The following ARB2A variants were observed in gnomAD, a reference collection of about 807,000 sequenced individuals.
ARB2A encodes the protein ARB2 cotranscriptional regulator A.
chr5:93,756,325 G>C, the ARB2A span, among the ~76,000 whole-genome samples: 214 of 152,276 alleles, frequency 1.4e-3, 1 homozygote, highest in African/African-American at 5.0e-3. Context: ...ATATAATCTT[G>C]GGCGTTCTAG....
chr5:94,095,154 A>G, the ARB2A span, among the ~76,000 whole-genome samples: 5 of 152,154 alleles, frequency 3.3e-5, no homozygotes, highest in Non-Finnish European at 7.4e-5. Context: ...AGGTTAACTG[A>G]TATCACTTGA....
the ARB2A span, among the ~76,000 whole-genome samples, chr5:93,667,305 A>C: frequency 1.4e-4 from 22 of 152,218 alleles, no homozygotes; most frequent in Admixed American, 1.1e-3. Flanking sequence ...TAGTTGTAGA[A>C]GTCAAAATTT....
At chr5:93,818,711 A>C in the ARB2A span, among the ~76,000 whole-genome samples, 2 of 152,184 alleles carry the variant, frequency 1.3e-5, no homozygotes, top group Middle Eastern at 3.2e-3. Context: ...ATACAGAAGC[A>C]ATCTTTTCAG....
At chr5:94,063,870 C>A in the ARB2A span, among the ~76,000 whole-genome samples, 1 of 151,920 alleles carries the variant, frequency 6.6e-6, no homozygotes. Context: ...ATTATGATAG[C>A]AAATTCAAAA....
At chr5:93,814,741 T>A in the ARB2A span, among the ~76,000 whole-genome samples, 15 of 152,378 alleles carry the variant, frequency 9.8e-5, no homozygotes, top group East Asian at 2.9e-3. Flanking sequence ...GGAGTGGGTA[T>A]GTTCAACTGA....
chr5:94,097,676 T>C, the ARB2A span, among the ~76,000 whole-genome samples: 3 of 152,102 alleles, frequency 2.0e-5, no homozygotes, highest in African/African-American at 7.2e-5. Context: ...ATTAAACCTC[T>C]TTCTTTAGTA....
At chr5:93,871,940 G>T in the ARB2A span, among the ~76,000 whole-genome samples, 9 of 149,994 alleles carry the variant, frequency 6.0e-5, no homozygotes, top group South Asian at 1.9e-3. Context: ...GATGAGAAAG[G>T]AATTTTTTCT....
chr5:93,622,725 T>G, the ARB2A span, among the ~76,000 whole-genome samples: 3 of 152,202 alleles, frequency 2.0e-5, no homozygotes, highest in Admixed American at 6.5e-5. Context: ...GAGGTCATTT[T>G]ATTTGCTTAC....
At chr5:93,748,559 T>G in the ARB2A span, among the ~76,000 whole-genome samples, 124 of 152,196 alleles carry the variant, frequency 8.1e-4, no homozygotes, top group Non-Finnish European at 1.4e-3. Context: ...CTATAATACT[T>G]GACTTGCTGG....
the ARB2A span, among the ~76,000 whole-genome samples, chr5:94,025,337 GTCC>G: frequency 6.6e-6 from 1 of 152,180 alleles, no homozygotes; most frequent in Non-Finnish European, 1.5e-5. Flanking sequence ...TTCTCACTAT[GTCC>G]TCATGTGACA....
At chr5:93,714,335 T>G in the ARB2A span, among the ~76,000 whole-genome samples, 1 of 152,200 alleles carries the variant, frequency 6.6e-6, no homozygotes, top group Non-Finnish European at 1.5e-5. Context: ...ATTAACAAGG[T>G]CAGCTTTATT....
At chr5:93,958,774 T>TAC in the ARB2A span, 1 of 1,493,006 alleles carries the variant, frequency 6.7e-7, no homozygotes, top group Non-Finnish European at 8.9e-7. Context: ...AAATTGTACT[T>TAC]ACAGCCACAG....
At chr5:93,895,391 G>A in the ARB2A span, among the ~76,000 whole-genome samples, 1 of 152,114 alleles carries the variant, frequency 6.6e-6, no homozygotes, top group Non-Finnish European at 1.5e-5. Flanking sequence ...ATAGAAATGT[G>A]ATTTGCTCTA....
the ARB2A span, among the ~76,000 whole-genome samples, chr5:93,790,438 A>G: frequency 8.5e-5 from 13 of 152,204 alleles, no homozygotes; most frequent in Non-Finnish European, 1.5e-5. Context: ...AACATGTACG[A>G]AGGGCTGCTT....
chr5:93,760,199 C>A, the ARB2A span, among the ~76,000 whole-genome samples: 3,614 of 152,174 alleles, frequency 0.024, 139 homozygotes, highest in African/African-American at 0.082. Flanking sequence ...ACCAAGGAGT[C>A]AGAAGACCTC....
the ARB2A span, among the ~76,000 whole-genome samples, chr5:93,966,062 G>A: frequency 2.0e-5 from 3 of 152,140 alleles, no homozygotes; most frequent in East Asian, 5.8e-4. Flanking sequence ...TCACTGGGAT[G>A]TAGTGGTACT....
chr5:93,940,681 T>C, the ARB2A span, among the ~76,000 whole-genome samples: 6 of 152,106 alleles, frequency 3.9e-5, no homozygotes, highest in Non-Finnish European at 5.9e-5. Flanking sequence ...TAAGTTCACA[T>C]GTATGACATT....
the ARB2A span, among the ~76,000 whole-genome samples, chr5:93,639,988 C>T: frequency 1.4e-3 from 198 of 139,258 alleles, no homozygotes; most frequent in Non-Finnish European, 2.3e-3. Context: ...GAGGCAGAGA[C>T]GGAGGTTGCA....
chr5:94,101,527 A>G, the ARB2A span, among the ~76,000 whole-genome samples: 2 of 152,182 alleles, frequency 1.3e-5, no homozygotes, highest in African/African-American at 4.8e-5. Context: ...CAGTAAAGAT[A>G]TGGAATCAAC....
Sources: gnomAD v4.1 joint callset for allele counts (sites outside exome capture counted in the v4.1 genomes callset) on GRCh38, gnomAD v4.1.1 for gene constraint, MANE v1.5 for transcripts, NCBI Gene and HGNC (gene_info 2026-07-23, HGNC 2026-07-21) for gene names.